Variants in REEP1 observed in about 807,000 individuals in gnomAD.
REEP1 encodes the protein receptor accessory protein 1.
Under a neutral mutation model 40.3 loss-of-function variants are expected in REEP1, and 22 were observed. The observed-to-expected ratio is 0.55, with a 90% CI of 0.39 to 0.78. The LOEUF is 0.78. Among genes scored for constraint, REEP1 ranks in the 30% least tolerant of loss-of-function variants. The probability of loss-of-function intolerance (pLI) is 0.00; values close to 1 mark genes in which losing one functional copy is unlikely to be tolerated. For missense variants in REEP1, 280 were observed against 361.1 expected, an observed-to-expected ratio of 0.78 and a Z score of 1.82; for synonymous variants, 116 against 139.2, an observed-to-expected ratio of 0.83 and a Z score of 1.17.
chr2:86,246,781 G>A (rs1206815865), intron 5 of REEP1, among the ~76,000 whole-genome samples: 3 of 146,368 alleles, frequency 2.0e-5, no homozygotes, highest in Admixed American at 1.4e-4. Context: ...GGCTTACCGC[G>A]ACCTCCACCT....
chr2:86,331,297 T>A (rs75380910), intron 1 of REEP1, among the ~76,000 whole-genome samples: 64 of 152,332 alleles, frequency 4.2e-4, no homozygotes, highest in African/African-American at 1.5e-3. Flanking sequence ...TGGACCAATG[T>A]CTGTGCCCAG....
In REEP1 at chr2:86,214,915, T is replaced by C. The variant is rs1180001001; in HGVS notation, c.*2124A>G. The C allele has an allele frequency of 2.0e-5, 3 of 152,412 alleles. No individual in the cohort carries two copies. The highest frequency in any genetic ancestry group is 4.8e-5 in the African/African-American group (2 of 41,380). 9.4% of individuals were successfully genotyped at this position (152,412 alleles called of 1,614,324 possible). A position where few individuals can be genotyped will look rare whatever the true frequency, so the allele number is the denominator to read the frequency against. On this transcript the variant is annotated 3_prime_UTR_variant, in exon 9 of 9. Coordinates refer to ENST00000538924, the MANE Select transcript of REEP1 (RefSeq NM_001371279.1). ...AACCTGTACTTGTCACAACTCTCCATTGTAAAATGGCGAAAATATAGGTTG... is the reference window on the plus strand; with the variant it reads ...AACCTGTACTTGTCACAACTCTCCACTGTAAAATGGCGAAAATATAGGTTG...
intron 5 of REEP1, among the ~76,000 whole-genome samples, chr2:86,241,490 G>A (rs1327709254): frequency 6.6e-6 from 1 of 152,184 alleles, no homozygotes; most frequent in Non-Finnish European, 1.5e-5. Context: ...GCAGTACCCT[G>A]GGGTGTGAGA....
chr2:86,337,882 G>C, upstream of REEP1: 1 of 913,854 alleles, frequency 1.1e-6, no homozygotes, highest in Non-Finnish European at 1.6e-6. This position sits in a 1 kb window ranked among gnomAD's most constrained non-coding sequence, Gnocchi z 5.8. Context: ...GCAGGGCAGG[G>C]ACCCGGGTGC....
chr2:86,273,475 A>G (rs570205437), intron 2 of REEP1, among the ~76,000 whole-genome samples: 4 of 152,074 alleles, frequency 2.6e-5, no homozygotes, highest in East Asian at 3.9e-4. Context: ...TTGTAGAGAC[A>G]GGGTCTCACC....
intron 1 of REEP1, among the ~76,000 whole-genome samples, chr2:86,290,262 G>A (rs1311273900): frequency 3.3e-5 from 5 of 152,118 alleles, no homozygotes; most frequent in African/African-American, 1.2e-4. Flanking sequence ...AACCAGATAA[G>A]TCGTTGCCAG....
chr2:86,260,494 T>G (rs1277429220), intron 3 of REEP1, among the ~76,000 whole-genome samples: 1 of 152,150 alleles, frequency 6.6e-6, no homozygotes, highest in Non-Finnish European at 1.5e-5. Context: ...AGGTTACTGA[T>G]CAGACGACTT....
chr2:86,317,857 T>G lies in REEP1; in HGVS notation c.32+19622A>C, dbSNP rs1292140787. On this transcript the variant is annotated intron_variant, in intron 1 of 8. Transcript: ENST00000538924. The stretch of plus-strand genomic sequence containing the variant: ...AAAGCACTTGTGTCACTGAGTTGTG[T>G]GCTGAATTATCCGCTTTTTTTCATG... Among the ~76,000 whole-genome samples the G allele has an allele frequency of 2.0e-5, 3 of 152,356 alleles. No homozygotes were observed. The East Asian group carries it at 5.8e-4, about 29-fold the overall frequency.
intron 1 of REEP1, among the ~76,000 whole-genome samples, chr2:86,304,007 C>T (rs937298863): frequency 6.6e-6 from 1 of 152,110 alleles, no homozygotes; most frequent in Non-Finnish European, 1.5e-5. Context: ...CCTACTAGCA[C>T]AGGGTGCGAC....
intron 2 of REEP1, among the ~76,000 whole-genome samples, chr2:86,279,718 A>G (rs60840060): frequency 0.067 from 10,210 of 152,206 alleles, 527 homozygotes; most frequent in African/African-American, 0.13. Context: ...TGAAGGAGGA[A>G]GAGAAAGGGG....
chr2:86,253,680 G>T (rs1676402595), intron 4 of REEP1, among the ~76,000 whole-genome samples: 3 of 152,288 alleles, frequency 2.0e-5, no homozygotes, highest in South Asian at 4.1e-4. Flanking sequence ...ACCCTTCTGA[G>T]ACAGGAAGTG....
In REEP1 at chr2:86,281,956, T is replaced by C. The variant is rs3821016; in HGVS notation, c.105+214A>G. On this transcript the variant is annotated intron_variant, in intron 2 of 8. Transcript: ENST00000538924. ...CCAGATGCCACAGCCTCTTGCCGTA[T>C]CTCCCTGCTTTTCTCACCTCAACGC... 0.87 allele frequency among the ~76,000 whole-genome samples: 132,772 copies of C among 152,214 alleles called. 58,342 individuals carry two copies. Among genetic ancestry groups the C allele is most frequent in the East Asian group, 0.96 (4,946 of 5,176 alleles).
chr2:86,303,222 T>G lies in REEP1; in HGVS notation c.33-20980A>C, dbSNP rs1472133778. On this transcript the variant is annotated intron_variant, in intron 1 of 8. Coordinates refer to ENST00000538924, the MANE Select transcript of REEP1 (RefSeq NM_001371279.1). ...GATGCCCGGCTAATTGTTTTTTTTT[T>G]TTTTTTTTTTTTTGGACAGAGTCTC... Among the ~76,000 whole-genome samples the G allele has an allele frequency of 6.2e-5, 9 of 144,662 alleles. No homozygotes were observed. The East Asian group carries it at 1.8e-3, about 29-fold the overall frequency. The allele number at this position is 144,662 out of a possible 152,430, so 94.9% of individuals were successfully genotyped here.
At chr2:86,288,705 T>A (rs571168812) in intron 1 of REEP1, among the ~76,000 whole-genome samples, 1 of 152,342 alleles carries the variant, frequency 6.6e-6, no homozygotes, top group South Asian at 2.1e-4. Context: ...AGAATGACTG[T>A]ACCAATTTAT....
intron 1 of REEP1, among the ~76,000 whole-genome samples, chr2:86,289,988 T>C (rs960187071): frequency 3.9e-5 from 6 of 152,048 alleles, no homozygotes; most frequent in Non-Finnish European, 8.8e-5. Flanking sequence ...TCCATTTATA[T>C]GCTCTTTCTT....
intron 3 of REEP1, among the ~76,000 whole-genome samples, chr2:86,257,866 T>C (rs1027612375): frequency 2.6e-5 from 4 of 152,202 alleles, no homozygotes; most frequent in African/African-American, 9.6e-5. Context: ...CTTGAACTCC[T>C]GACCTCAGGT....
intron 1 of REEP1, among the ~76,000 whole-genome samples, chr2:86,310,959 G>A (rs1679736155): frequency 6.6e-6 from 1 of 152,202 alleles, no homozygotes; most frequent in Non-Finnish European, 1.5e-5. Flanking sequence ...GGTGCTAGCA[G>A]TGTGTGCTTT....
chr2:86,230,921 T>C (rs1047110076), intron 6 of REEP1, among the ~76,000 whole-genome samples: 1 of 152,224 alleles, frequency 6.6e-6, no homozygotes, highest in Non-Finnish European at 1.5e-5. Flanking sequence ...GCAGCTTTCA[T>C]CTGAGGCTTG....
chr2:86,228,607 C>T (rs1234888035), intron 6 of REEP1, among the ~76,000 whole-genome samples: 4 of 152,100 alleles, frequency 2.6e-5, no homozygotes, highest in East Asian at 1.9e-4. Context: ...TACAGGCACC[C>T]GCCTTCACGC....
Sources: gnomAD v4.1 joint callset for allele counts (sites outside exome capture counted in the v4.1 genomes callset) on GRCh38, gnomAD v4.1.1 for gene constraint, Gnocchi (gnomAD v3.1) non-coding constraint, MANE v1.5 for transcripts, NCBI Gene and HGNC (gene_info 2026-07-23, HGNC 2026-07-21) for gene names.